Variants in NAV2 observed in about 807,000 individuals in gnomAD.
The protein encoded by NAV2 is neuron navigator 2, also known as helicase, APC down-regulated 1.
A neutral mutation model predicts 223.2 loss-of-function variants in NAV2; 54 were observed. The ratio of observed to expected loss-of-function variants is 0.24; its 90% CI spans 0.19 to 0.30. NAV2 has a LOEUF of 0.30. Among genes scored for constraint, NAV2 ranks in the 10% least tolerant of loss-of-function variants. The probability of loss-of-function intolerance (pLI) is 1.00; values close to 1 mark genes in which losing one functional copy is unlikely to be tolerated. For missense variants in NAV2, 2,806 were observed against 3,147.5 expected (o/e 0.89, Z 2.60); for synonymous variants, 1,279 against 1,239.3 (o/e 1.03, Z -0.67).
At chr11:19,967,120 C>G (rs7933978) in intron 10 of NAV2, among the ~76,000 whole-genome samples, 81,429 of 151,948 alleles carry the variant, frequency 0.54, 22,509 homozygotes, top group Non-Finnish European at 0.59. Flanking sequence ...CTGAGGATGA[C>G]AGAAGTCCCT....
At chr11:20,083,848 A>G (rs780590245) in intron 26 of NAV2, among the ~76,000 whole-genome samples, 117 of 152,246 alleles carry the variant, frequency 7.7e-4, no homozygotes, top group Non-Finnish European at 1.4e-3. Context: ...GGCCTTTTCC[A>G]TGCTGTTCCA....
rs1018803360 is a variant in NAV2 at position 19,504,092 on chromosome 11, C to T, written c.75+153065C>T. On this transcript the variant is annotated intron_variant, in intron 1 of 37. Transcript: ENST00000360655. ...CACATCATATGTCATCAAGCAAATG[C>T]AAATTAAAATGACAATGGGACAGCA... Among the ~76,000 whole-genome samples the T allele has an allele frequency of 1.1e-4, 17 of 152,094 alleles. 1 individual carries two copies. The highest frequency in any genetic ancestry group is 1.1e-3 in the Admixed American group (17 of 15,278).
chr11:19,944,625 TTTTTCTTTCCTTTTCTC>T (rs775812233), intron 8 of NAV2, among the ~76,000 whole-genome samples: 25 of 142,444 alleles, frequency 1.8e-4, no homozygotes, highest in Admixed American at 3.7e-4. Flanking sequence ...TTCTTTTTCT[TTTTTCTTTCCTTTTCTC>T]TTTTCTTTCC....
chr11:19,831,229 G>T lies in NAV2; in HGVS notation c.268-1255G>T, dbSNP rs1208436600. ...TCCCATTCCAGGAGTGTTGCGGGGG[G>T]GGGGGGGGCGCGATGGGGAGTGGGG... is the stretch of plus-strand genomic sequence containing the variant. On this transcript the variant is annotated intron_variant, in intron 1 of 37. Transcript: ENST00000349880. Among the ~76,000 whole-genome samples the T allele has an allele frequency of 8.0e-5, 8 of 100,162 alleles. 1 individual carries two copies. In the South Asian group the frequency reaches 1.2e-3, roughly 14 times the overall value. The allele number at this position is 100,162 out of a possible 152,430, so 65.7% of individuals were successfully genotyped here. A position where few individuals can be genotyped will look rare whatever the true frequency, so the allele number is the denominator to read the frequency against.
At chr11:19,965,135 A>G (rs1428078272) in intron 10 of NAV2, among the ~76,000 whole-genome samples, 6 of 149,062 alleles carry the variant, frequency 4.0e-5, no homozygotes, top group African/African-American at 1.2e-4. Context: ...TTTAATCTCT[A>G]TGTTCTAGGA....
intron 1 of NAV2, among the ~76,000 whole-genome samples, chr11:19,660,928 T>C (rs1430899713): frequency 6.6e-6 from 1 of 152,138 alleles, no homozygotes; most frequent in Non-Finnish European, 1.5e-5. Context: ...TTTTTAATTG[T>C]GGTGGAAATA....
intron 1 of NAV2, among the ~76,000 whole-genome samples, chr11:19,368,046 T>C (rs1046091858): frequency 6.6e-6 from 1 of 152,184 alleles, no homozygotes; most frequent in Admixed American, 6.5e-5. Flanking sequence ...AAGGCCAGAT[T>C]TGGGGATCAG....
chr11:19,368,069 A>T (rs1052675729), intron 1 of NAV2, among the ~76,000 whole-genome samples: 8 of 152,232 alleles, frequency 5.3e-5, no homozygotes, highest in African/African-American at 1.9e-4. Context: ...GGGCAGGCTG[A>T]TGGAGCATCA....
intron 20 of NAV2, among the ~76,000 whole-genome samples, chr11:20,067,863 C>T (rs989765150): frequency 1.3e-5 from 2 of 151,990 alleles, no homozygotes; most frequent in Admixed American, 6.6e-5. Flanking sequence ...CTAAATCTGA[C>T]TCATGGCCTT....
intron 1 of NAV2, among the ~76,000 whole-genome samples, chr11:19,740,429 G>C (rs1696830129): frequency 6.6e-6 from 1 of 152,112 alleles, no homozygotes; most frequent in Admixed American, 6.5e-5. Context: ...CACTGCCGAA[G>C]GCCACAGGGA....
At chr11:19,920,577 G>A (rs929374756) in intron 6 of NAV2, among the ~76,000 whole-genome samples, 2 of 152,168 alleles carry the variant, frequency 1.3e-5, no homozygotes, top group Non-Finnish European at 2.9e-5. Context: ...ATGAGTCACC[G>A]AGCCCGGCTA....
At chr11:19,666,043 A>C (rs1329829465) in intron 1 of NAV2, among the ~76,000 whole-genome samples, 2 of 152,186 alleles carry the variant, frequency 1.3e-5, no homozygotes, top group African/African-American at 4.8e-5. Context: ...TATCACCCAC[A>C]TGCCTGCAAG....
At chr11:19,553,584 A>G (rs1415480886) in intron 1 of NAV2, among the ~76,000 whole-genome samples, 3 of 152,212 alleles carry the variant, frequency 2.0e-5, no homozygotes, top group Admixed American at 2.0e-4. Flanking sequence ...CTGATTTTCA[A>G]TGCCTAGGAA....
At chr11:20,043,338 C>T (rs1203846537) in intron 12 of NAV2, among the ~76,000 whole-genome samples, 1 of 152,186 alleles carries the variant, frequency 6.6e-6, no homozygotes, top group Admixed American at 6.5e-5. Flanking sequence ...TAGGTGGTGG[C>T]TGAATTCCCA....
intron 6 of NAV2, among the ~76,000 whole-genome samples, chr11:19,909,923 C>T (rs567387161): frequency 6.6e-6 from 1 of 152,038 alleles, no homozygotes; most frequent in Admixed American, 6.5e-5. Context: ...TATATAACTG[C>T]TTATAATATA....
chr11:19,886,570 A>C (rs1157855290), intron 5 of NAV2, among the ~76,000 whole-genome samples: 2 of 152,226 alleles, frequency 1.3e-5, no homozygotes, highest in Non-Finnish European at 2.9e-5. Context: ...ACAAATGCAC[A>C]TACATAGGAA....
At chr11:19,762,811 A>G (rs563112809) in intron 1 of NAV2, among the ~76,000 whole-genome samples, 2 of 151,912 alleles carry the variant, frequency 1.3e-5, no homozygotes, top group South Asian at 4.2e-4. Flanking sequence ...ACGGGGTTTC[A>G]CCATGTTAGC....
intron 1 of NAV2, among the ~76,000 whole-genome samples, chr11:19,579,750 A>G (rs1267768023): frequency 6.6e-6 from 1 of 152,154 alleles, no homozygotes; most frequent in Non-Finnish European, 1.5e-5. Context: ...TTCCCCTCCT[A>G]CATGACCTGG....
At chr11:19,425,402 C>G (rs1850787281) in intron 1 of NAV2, among the ~76,000 whole-genome samples, 2 of 152,150 alleles carry the variant, frequency 1.3e-5, no homozygotes, top group East Asian at 3.9e-4. Context: ...ATGCCTTTTC[C>G]TTCTTCCAGC....
Sources: gnomAD v4.1 joint callset for allele counts (sites outside exome capture counted in the v4.1 genomes callset) on GRCh38, gnomAD v4.1.1 for gene constraint, MANE v1.5 for transcripts, NCBI Gene and HGNC (gene_info 2026-07-23, HGNC 2026-07-21) for gene names.